Variants in AKAP6 observed in about 807,000 individuals in gnomAD.
AKAP6 encodes A-kinase anchor protein 6.
In AKAP6, 58 loss-of-function variants were observed where a neutral mutation model predicts 188.5. The observed-to-expected ratio is 0.31, with a 90% CI of 0.25 to 0.38. The LOEUF is 0.38. Among genes scored for constraint, AKAP6 ranks in the 10% least tolerant of loss-of-function variants. The probability of loss-of-function intolerance (pLI) is 1.00; values close to 1 mark genes in which losing one functional copy is unlikely to be tolerated. For missense variants in AKAP6, 2,710 were observed against 2,740.0 expected (o/e 0.99, Z 0.24); for synonymous variants, 989 against 998.6 (o/e 0.99, Z 0.18).
chr14:32,671,350 CAA>C (rs1889184719), intron 7 of AKAP6, among the ~76,000 whole-genome samples: 1 of 151,878 alleles, frequency 6.6e-6, no homozygotes, highest in South Asian at 2.1e-4. Flanking sequence ...GGGGTGTGTT[CAA>C]GAGAGAAAGA....
intron 7 of AKAP6, among the ~76,000 whole-genome samples, chr14:32,627,169 G>A (rs1011494695): frequency 1.3e-5 from 2 of 152,026 alleles, no homozygotes; most frequent in Non-Finnish European, 1.5e-5. Context: ...CAAATGCTCA[G>A]TTCATTCATC....
intron 1 of AKAP6, among the ~76,000 whole-genome samples, chr14:32,332,501 A>G (rs901046055): frequency 6.6e-6 from 1 of 152,130 alleles, no homozygotes; most frequent in Non-Finnish European, 1.5e-5. Context: ...CCCTTGCTTG[A>G]TATAACTTTC....
At chr14:32,463,130 A>G (rs193259258) in intron 2 of AKAP6, among the ~76,000 whole-genome samples, 3 of 152,292 alleles carry the variant, frequency 2.0e-5, no homozygotes, top group Admixed American at 1.3e-4. Flanking sequence ...AAAGAGACTT[A>G]GACTCCCACA....
At chr14:32,615,763 T>C (rs1054249093) in intron 7 of AKAP6, among the ~76,000 whole-genome samples, 1 of 151,894 alleles carries the variant, frequency 6.6e-6, no homozygotes, top group Non-Finnish European at 1.5e-5. Context: ...ACCCAGCTAA[T>C]TTTTTGTATT....
At chr14:32,485,694 C>A (rs138622387) in intron 2 of AKAP6, among the ~76,000 whole-genome samples, 3,721 of 151,938 alleles carry the variant, frequency 0.024, 160 homozygotes, top group African/African-American at 0.085. Context: ...GTTTAAGTTC[C>A]TTGTAGATTC....
Position 32,823,377 on chromosome 14 carries a change from G to T in AKAP6, c.5564G>T (p.Arg1855Leu), listed in dbSNP as rs1050582204. 1 of 1,613,734 alleles carries T rather than the reference G, an allele frequency of 6.2e-7. No homozygotes were observed. The highest frequency in any genetic ancestry group is 1.3e-5 in the African/African-American group (1 of 74,980). Residue 1855 changes from arginine to leucine, a missense_variant, in exon 13 of 14, where the codon CGT becomes CTT. This residue lies in a region of AKAP6 where 2,473 missense variants were observed against 2,426.1 expected (regional missense o/e 1.02). Transcript: ENST00000280979. Reference protein sequence around the residue: ...IETLLNGSVKRVSENNGNGKN... With the variant: ...IETLLNGSVKLVSENNGNGKN... The stretch of plus-strand genomic sequence containing the variant: ...ACCCTTCTAAATGGCTCTGTAAAAC[G>T]TGTCTCTGAAAATAATGGAAATGGT...
At chr14:32,698,676 A>G (rs1005545817) in intron 9 of AKAP6, among the ~76,000 whole-genome samples, 1 of 152,240 alleles carries the variant, frequency 6.6e-6, no homozygotes, top group African/African-American at 2.4e-5. Context: ...TATCTATACC[A>G]TCTTTGTTTC....
At chr14:32,730,811 T>G (rs2031138089) in intron 9 of AKAP6, among the ~76,000 whole-genome samples, 1 of 152,200 alleles carries the variant, frequency 6.6e-6, no homozygotes, top group East Asian at 1.9e-4. Context: ...AAGCAGATTG[T>G]CCTCTCCTCC....
At chr14:32,818,388 TG>T (rs1259087603) in intron 12 of AKAP6, among the ~76,000 whole-genome samples, 1 of 152,166 alleles carries the variant, frequency 6.6e-6, no homozygotes, top group Non-Finnish European at 1.5e-5. Flanking sequence ...TGATATAAAA[TG>T]GTTTATTATT....
chr14:32,395,116 T>C lies in AKAP6; in HGVS notation c.-34-38344T>C, dbSNP rs144792519. Among the ~76,000 whole-genome samples, 741 of 152,190 alleles carry C rather than the reference T, an allele frequency of 4.9e-3. 8 individuals carry two copies. Among genetic ancestry groups the C allele is most frequent in the African/African-American group, 0.017 (694 of 41,510 alleles). ...CTTTAGACCCTGCTCATCCCATGTA[T>C]ACAATAATGGGAAACCCAGGAATAT... On this transcript the variant is annotated intron_variant, in intron 1 of 13. Transcript: ENST00000280979.
intron 2 of AKAP6, among the ~76,000 whole-genome samples, chr14:32,510,219 A>T (rs2139015768): frequency 6.6e-6 from 1 of 151,336 alleles, no homozygotes; most frequent in East Asian, 2.0e-4. Context: ...GCTATAATGC[A>T]CTCATCATTG....
chr14:32,396,893 G>T (rs1022440508), intron 1 of AKAP6, among the ~76,000 whole-genome samples: 4 of 152,134 alleles, frequency 2.6e-5, no homozygotes, highest in Non-Finnish European at 5.9e-5. Flanking sequence ...TTTGATAAGT[G>T]TCTGCTGTGA....
intron 1 of AKAP6, among the ~76,000 whole-genome samples, chr14:32,356,174 AT>A (rs1887478992): frequency 1.3e-5 from 2 of 152,026 alleles, no homozygotes; most frequent in South Asian, 2.1e-4. Flanking sequence ...ACAAGAACAT[AT>A]TTTTTTCCCC....
rs966985289 is a variant in AKAP6 at position 32,691,103 on chromosome 14, T to A, written c.2880-4887T>A. The stretch of plus-strand genomic sequence containing the variant: ...TACAAAGAAAATTTTATGAGGAAAG[T>A]CCCTCCAAAAGGGACTCATAGTTCT... On this transcript the variant is annotated intron_variant, in intron 8 of 13. Coordinates refer to ENST00000280979, the MANE Select transcript of AKAP6 (RefSeq NM_004274.5). Among the ~76,000 whole-genome samples, 3 of 152,088 alleles carry A rather than the reference T, an allele frequency of 2.0e-5. No homozygotes were observed. The East Asian group carries it at 5.8e-4, about 29-fold the overall frequency.
At chr14:32,684,095 C>T (rs2139657469) in intron 8 of AKAP6, among the ~76,000 whole-genome samples, 1 of 152,272 alleles carries the variant, frequency 6.6e-6, no homozygotes. Flanking sequence ...AGACATAGTT[C>T]TTTCCATGGT....
At chr14:32,685,434 A>T (rs1889869879) in intron 8 of AKAP6, among the ~76,000 whole-genome samples, 1 of 151,906 alleles carries the variant, frequency 6.6e-6, no homozygotes, top group Admixed American at 6.6e-5. Flanking sequence ...CCATTAGAAG[A>T]GGTCTGGCCG....
intron 12 of AKAP6, among the ~76,000 whole-genome samples, chr14:32,778,376 A>G (rs2033132462): frequency 6.6e-6 from 1 of 152,210 alleles, no homozygotes; most frequent in Non-Finnish European, 1.5e-5. Context: ...TATTTATAAC[A>G]TATGTAGAAG....
At position 32,731,447 on chromosome 14, in the gene AKAP6, G is replaced by A. The variant is rs141107478; in HGVS notation, c.3001-1007G>A. 4.5e-4 allele frequency among the ~76,000 whole-genome samples: 68 copies of A among 152,136 alleles called. 1 individual carries two copies. In the East Asian group the frequency reaches 0.012, roughly 26 times the overall value. ...AGTTTTTCTCATTAACTCTGATAAA[G>A]GTGCTTATCTTAGGGCACCGTTGGT... is the stretch of plus-strand genomic sequence containing the variant. On this transcript the variant is annotated intron_variant, in intron 9 of 13. Coordinates refer to ENST00000280979, the MANE Select transcript of AKAP6 (RefSeq NM_004274.5).
At chr14:32,582,294 CTT>C (rs1885012439) in intron 5 of AKAP6, among the ~76,000 whole-genome samples, 1 of 152,102 alleles carries the variant, frequency 6.6e-6, no homozygotes, top group African/African-American at 2.4e-5. Context: ...GTTGAAAACT[CTT>C]TTCTTTAAGA....
Sources: allele counts gnomAD v4.1 joint callset (sites outside exome capture counted in the v4.1 genomes callset), GRCh38; gene constraint gnomAD v4.1.1; regional missense constraint gnomAD v4.1.1; transcripts MANE v1.5; gene names NCBI Gene and HGNC (gene_info 2026-07-23, HGNC 2026-07-21).